ACTL8: variants seen among roughly 807,000 people sequenced by gnomAD.
ACTL8 encodes the protein actin like 8.
A neutral mutation model predicts 9.3 loss-of-function variants in ACTL8; 3 were observed. The observed-to-expected ratio is 0.32, with a 90% CI of 0.15 to 0.83. The LOEUF (loss-of-function observed/expected upper bound fraction) is 0.83. ACTL8 is among the 40% of genes least tolerant of loss of function. The pLI, the probability that ACTL8 is intolerant of heterozygous loss-of-function variation, is 0.57. For synonymous variants in ACTL8, 224 were observed against 205.9 expected, an observed-to-expected ratio of 1.09 and a Z score of -0.75; for missense variants, 381 against 492.2, an observed-to-expected ratio of 0.77 and a Z score of 2.14.
chr1:17,805,363 T>C (rs1305009487), intron 1 of ACTL8, among the ~76,000 whole-genome samples: 3 of 98,668 alleles, frequency 3.0e-5, no homozygotes, highest in Non-Finnish European at 5.9e-5. Context: ...TAGATATATT[T>C]TCTTTTTCTT....
intron 1 of ACTL8, among the ~76,000 whole-genome samples, chr1:17,809,380 GC>G (rs1203863052): frequency 2.0e-5 from 3 of 152,148 alleles, no homozygotes; most frequent in Admixed American, 6.5e-5. Flanking sequence ...TTTTGGAAGG[GC>G]TAGCCGGGGG....
At chr1:17,811,910 C>T (rs2066395067) in intron 1 of ACTL8, among the ~76,000 whole-genome samples, 1 of 151,642 alleles carries the variant, frequency 6.6e-6, no homozygotes. Context: ...CTGTGTGGCC[C>T]AGGTTGGAGT....
At chr1:17,784,935 A>T (rs1321954569) in intron 1 of ACTL8, among the ~76,000 whole-genome samples, 1 of 152,246 alleles carries the variant, frequency 6.6e-6, no homozygotes, top group East Asian at 1.9e-4. Context: ...CAATCATGGC[A>T]GAAGGCAAGG....
intron 1 of ACTL8, among the ~76,000 whole-genome samples, chr1:17,771,298 T>G (rs963717642): frequency 1.3e-5 from 2 of 150,858 alleles, no homozygotes; most frequent in African/African-American, 4.9e-5. Context: ...CTTCTTCTGA[T>G]TTTTTTTTTC....
rs187280436 is a variant in ACTL8, at chr1:17,808,927, T to G, written c.-24-14058T>G. ...TGGCCAGAGACTGGTGGGCTTTGTG[T>G]GTCAAGCTAAGTTTAGGCTTCATCT... On this transcript the variant is annotated intron_variant, in intron 1 of 2. Transcript: ENST00000375406. Among the ~76,000 whole-genome samples, 57 of 152,278 alleles carry G rather than the reference T, an allele frequency of 3.7e-4. No individual in the cohort carries two copies. In the South Asian group the frequency reaches 7.7e-3, roughly 20 times the overall value.
At position 17,826,190 on chromosome 1, in the gene ACTL8, A is replaced by G. The variant is rs374422437; in HGVS notation, c.772A>G (p.Met258Val). The G allele has an allele frequency of 1.2e-6, 2 of 1,613,214 alleles. No homozygotes were observed. The highest frequency in any genetic ancestry group is 1.7e-6 in the Non-Finnish European group (2 of 1,179,906). Residue 258 changes from methionine (M) to valine (V), a missense_variant, in exon 3 of 3, where the codon ATG (methionine) becomes GTG (valine). Physicochemically the swap from Met to Val is conservative, Grantham distance 21 (BLOSUM62 1). This residue lies in a region of ACTL8 where 243 missense variants were observed against 276.2 expected (regional missense o/e 0.88). Transcript: ENST00000375406. This position sits in a 1 kb window ranked among gnomAD's most constrained non-coding sequence, Gnocchi z 4.5. Reference sequence around the variant, plus strand: ...CCCCATGCAGCGGGTGGCTCCTGAGATGTTCTTTAGCCCGCAGGTGTTCGA... The same window carrying G: ...CCCCATGCAGCGGGTGGCTCCTGAGGTGTTCTTTAGCCCGCAGGTGTTCGA... ...LTPMQRVAPE[M>V]FFSPQVFEQP...
At chr1:17,792,244 C>T (rs1570019682) in intron 1 of ACTL8, among the ~76,000 whole-genome samples, 2 of 152,194 alleles carry the variant, frequency 1.3e-5, no homozygotes, top group African/African-American at 4.8e-5. Flanking sequence ...CCAGTCATCC[C>T]GACTCTGACC....
intron 1 of ACTL8, among the ~76,000 whole-genome samples, chr1:17,786,691 ATTTTAT>A (rs1471064961): frequency 6.6e-6 from 1 of 152,030 alleles, no homozygotes; most frequent in Admixed American, 6.6e-5. Flanking sequence ...TTGATAGACA[ATTTTAT>A]TTTTAATTAT....
chr1:17,826,926 G>A lies in ACTL8; in HGVS notation c.*407G>A, dbSNP rs1460075008. 1 of 156,264 alleles carries A rather than the reference G, an allele frequency of 6.4e-6. No homozygotes were observed. The highest frequency in any genetic ancestry group is 1.4e-5 in the Non-Finnish European group (1 of 70,958). The allele number at this position is 156,264 out of a possible 1,614,324, so 9.7% of individuals were successfully genotyped here. ...TCCCAATTATTTTTGACTAGGGGAT[G>A]GGGGACAGTTGACATTTCTGGTCCT... On this transcript the variant is annotated 3_prime_UTR_variant, in exon 3 of 3. Coordinates refer to ENST00000375406, the MANE Select transcript of ACTL8 (RefSeq NM_030812.3). This position sits in a 1 kb window ranked among gnomAD's most constrained non-coding sequence, Gnocchi z 4.5.
At position 17,825,741 on chromosome 1, in the gene ACTL8, ACT is replaced by A. The variant is rs950358335; in HGVS notation, c.349-25_349-24del. 6.2e-6 allele frequency: 10 copies of A among 1,600,938 alleles called. No individual in the cohort carries two copies. In the Admixed American group the frequency reaches 1.0e-4, roughly 16 times the overall value. ...TGCTGAGCAGGCTGGGGGGAAATGC[ACT>A]GAGTGAATTCTCCCTCGTTGCAGAT... On this transcript the variant is annotated intron_variant, in intron 2 of 2. Transcript: ENST00000375406.
At chr1:17,821,149 C>A (rs1394439999) in intron 1 of ACTL8, among the ~76,000 whole-genome samples, 1 of 151,826 alleles carries the variant, frequency 6.6e-6, no homozygotes, top group East Asian at 1.9e-4. Flanking sequence ...TGGCTTGTTT[C>A]TCCTATTACT....
At chr1:17,809,699 G>A (rs559808809) in intron 1 of ACTL8, among the ~76,000 whole-genome samples, 156 of 152,082 alleles carry the variant, frequency 1.0e-3, no homozygotes, top group Non-Finnish European at 1.9e-3. Flanking sequence ...TCTAATGCCC[G>A]ATGATCTGTC....
chr1:17,826,210 G>A lies in ACTL8; in HGVS notation c.792G>A (p.Val264=). The change falls in exon 3 of 3, where the codon GTG becomes GTA. Residue 264 remains valine, a synonymous_variant. Transcript: ENST00000375406. This position sits in a 1 kb window ranked among gnomAD's most constrained non-coding sequence, Gnocchi z 4.5. ...VAPEMFFSPQ[V]FEQPGPSIPR... The stretch of plus-strand genomic sequence containing the variant: ...CTGAGATGTTCTTTAGCCCGCAGGT[G>A]TTCGAGCAGCCGGGGCCCAGCATCC... 9 of 1,613,468 alleles carry A rather than the reference G, an allele frequency of 5.6e-6. No individual in the cohort carries two copies. Among genetic ancestry groups the A allele is most frequent in the Non-Finnish European group, 7.6e-6 (9 of 1,179,958 alleles).
rs377231914 is a variant in ACTL8 at position 17,810,561 on chromosome 1, T to G, written c.-24-12424T>G. On this transcript the variant is annotated intron_variant, in intron 1 of 2. Transcript: ENST00000375406. ...AATGTCATGTGGCGAGACTCGCTTT[T>G]TTTGATGTATAGTTCTCAGTTCTGA... 1.2e-4 allele frequency among the ~76,000 whole-genome samples: 18 copies of G among 152,326 alleles called. No homozygotes were observed. The East Asian group carries it at 1.9e-3, about 16-fold the overall frequency.
At position 17,825,763 on chromosome 1, in the gene ACTL8, G is replaced by T; in HGVS notation, c.349-4G>T. ...TGCACTGAGTGAATTCTCCCTCGTT[G>T]CAGATCCTGTTTGAGTTGCTGCATG... is the stretch of plus-strand genomic sequence containing the variant. On this transcript the variant is annotated splice_polypyrimidine_tract_variant and splice_region_variant and intron_variant, in intron 2 of 2. Transcript: ENST00000375406. 1 of 1,609,336 alleles carries T rather than the reference G, an allele frequency of 6.2e-7. No homozygotes were observed. Among genetic ancestry groups the T allele is most frequent in the Non-Finnish European group, 8.5e-7 (1 of 1,177,480 alleles).
At chr1:17,818,239 A>G (rs774343761) in intron 1 of ACTL8, among the ~76,000 whole-genome samples, 31 of 152,314 alleles carry the variant, frequency 2.0e-4, no homozygotes, top group Non-Finnish European at 3.2e-4. Context: ...CTTCTGGTCT[A>G]ACATTTCAGT....
In ACTL8 at chr1:17,805,658, G is replaced by A. The variant is rs148096518; in HGVS notation, c.-24-17327G>A. ...CTCCCAAAGTGCTGGGATTACAGGC[G>A]TGAGCCACTGCGTCCGGCCAAAATA... On this transcript the variant is annotated intron_variant, in intron 1 of 2. Coordinates refer to ENST00000375406, the MANE Select transcript of ACTL8 (RefSeq NM_030812.3). Among the ~76,000 whole-genome samples, 178 of 152,208 alleles carry A rather than the reference G, an allele frequency of 1.2e-3. 1 individual carries two copies. The highest frequency in any genetic ancestry group is 3.8e-3 in the African/African-American group (157 of 41,528).
Position 17,823,391 on chromosome 1 carries a change from C to T in ACTL8, c.348+35C>T, listed in dbSNP as rs199647836. On this transcript the variant is annotated intron_variant, in intron 2 of 2. Coordinates refer to ENST00000375406, the MANE Select transcript of ACTL8 (RefSeq NM_030812.3). This position sits in a 1 kb window ranked among gnomAD's most constrained non-coding sequence, Gnocchi z 5.3. ...GCCGGGGCCTGCTCCCACTCGGGAG[C>T]GGGAAACAGACTGACACTATGTCTG... 31 of 1,569,906 alleles carry T rather than the reference C, an allele frequency of 2.0e-5. No homozygotes were observed. Among genetic ancestry groups the T allele is most frequent in the Middle Eastern group, 1.7e-4 (1 of 5,886 alleles).
intron 1 of ACTL8, 100 bp from the exon 2 acceptor site, chr1:17,822,885 C>T (rs1055010815): frequency 6.2e-5 from 48 of 770,432 alleles, no homozygotes; most frequent in Non-Finnish European, 9.3e-5. Context: ...AGTGGACAAG[C>T]TTCAGGGGGA....
Sources: gnomAD v4.1 joint callset for allele counts (sites outside exome capture counted in the v4.1 genomes callset) on GRCh38, gnomAD v4.1.1 for gene constraint, gnomAD v4.1.1 regional missense constraint, Gnocchi (gnomAD v3.1) non-coding constraint, MANE v1.5 for transcripts, NCBI Gene and HGNC (gene_info 2026-07-23, HGNC 2026-07-21) for gene names.